The following KLHL2 variants were observed in gnomAD, a reference collection of about 807,000 sequenced individuals.
The protein encoded by KLHL2 is kelch-like protein 2.
KLHL2 carries 15 observed loss-of-function variants against 75.8 expected under a neutral mutation model. The observed-to-expected ratio is 0.20, with a 90% CI of 0.13 to 0.30. The LOEUF is 0.30. Ranked by LOEUF, KLHL2 falls within the 10% of genes least tolerant of loss-of-function variation. The pLI is 1.00. For missense variants in KLHL2, 381 were observed against 741.0 expected (o/e 0.51, Z 5.64); for synonymous variants, 214 against 251.9 (o/e 0.85, Z 1.42).
At chr4:165,293,352 G>A (rs1271729101) in intron 5 of KLHL2, among the ~76,000 whole-genome samples, 3 of 151,882 alleles carry the variant, frequency 2.0e-5, no homozygotes, top group South Asian at 4.2e-4. Context: ...GTGAAATCAA[G>A]GGAAAAAAAT....
At chr4:165,266,841 T>C (rs1742280453) in intron 5 of KLHL2, among the ~76,000 whole-genome samples, 3 of 152,186 alleles carry the variant, frequency 2.0e-5, no homozygotes, top group Admixed American at 1.3e-4. Flanking sequence ...AAGTAGTTTT[T>C]TCCAATTCTG....
intron 9 of KLHL2, 135 bp from the exon 10 acceptor site, chr4:165,310,418 A>C: frequency 1.4e-6 from 1 of 719,560 alleles, no homozygotes; most frequent in Non-Finnish European, 2.5e-6. Flanking sequence ...AGCATTTTCA[A>C]GGATTTATTT....
At chr4:165,263,574 A>G (rs1442813374) in intron 5 of KLHL2, among the ~76,000 whole-genome samples, 1 of 151,978 alleles carries the variant, frequency 6.6e-6, no homozygotes, top group African/African-American at 2.4e-5. Flanking sequence ...TTGGGCCTGA[A>G]TAATAGAATA....
intron 5 of KLHL2, among the ~76,000 whole-genome samples, chr4:165,279,855 C>T (rs1247461633): frequency 2.0e-5 from 3 of 152,238 alleles, no homozygotes; most frequent in Non-Finnish European, 2.9e-5. Flanking sequence ...GTCTTTAACA[C>T]TGAGATTATC....
intron 3 of KLHL2, among the ~76,000 whole-genome samples, chr4:165,229,673 G>A (rs1337196180): frequency 6.6e-6 from 1 of 152,176 alleles, no homozygotes; most frequent in African/African-American, 2.4e-5. Context: ...ACAGCTTCCT[G>A]CCCCAAAAGC....
chr4:165,317,425 TGGTCTTG>T (rs1746667966), intron 13 of KLHL2, among the ~76,000 whole-genome samples: 1 of 151,530 alleles, frequency 6.6e-6, no homozygotes, highest in South Asian at 2.1e-4. Flanking sequence ...AGCAGTGGTG[TGGTCTTG>T]GCTCTCTGTA....
chr4:165,221,614 A>G (rs1389488549), intron 2 of KLHL2, among the ~76,000 whole-genome samples: 1 of 152,212 alleles, frequency 6.6e-6, no homozygotes, highest in Admixed American at 6.5e-5. Context: ...AGAGAAAGCC[A>G]GTGGAGAGTG....
chr4:165,313,740 GATTAC>G (rs1380304697), intron 12 of KLHL2, among the ~76,000 whole-genome samples: 3 of 152,030 alleles, frequency 2.0e-5, no homozygotes, highest in South Asian at 4.1e-4. Flanking sequence ...TTTTCAAAAG[GATTAC>G]ATTAAAGGAC....
In KLHL2 at chr4:165,224,295, A is replaced by G. The variant is rs564043432; in HGVS notation, c.152+4236A>G. On this transcript the variant is annotated intron_variant, in intron 2 of 14. Transcript: ENST00000226725. Reference sequence around the variant, plus strand: ...CTGTACTTGAGCTTTAACAATTTCAATGAGTATTAGTGGTGGGGGCACAAC... The same window carrying G: ...CTGTACTTGAGCTTTAACAATTTCAGTGAGTATTAGTGGTGGGGGCACAAC... Among the ~76,000 whole-genome samples, 178 of 152,188 alleles carry G rather than the reference A, an allele frequency of 1.2e-3. 1 individual carries two copies. Among genetic ancestry groups the G allele is most frequent in the African/African-American group, 3.6e-3 (150 of 41,546 alleles).
At chr4:165,264,732 A>ATG (rs1742068148) in intron 5 of KLHL2, among the ~76,000 whole-genome samples, 1 of 80,888 alleles carries the variant, frequency 1.2e-5, no homozygotes, top group East Asian at 4.5e-4. Context: ...ATATATATAT[A>ATG]TATATATGTA....
intron 5 of KLHL2, among the ~76,000 whole-genome samples, chr4:165,270,814 G>A (rs1192641484): frequency 1.3e-5 from 2 of 152,262 alleles, no homozygotes; most frequent in East Asian, 1.9e-4. Context: ...GTCCCTTCTC[G>A]GAGCTCAAAC....
At chr4:165,249,160 G>A (rs1349319606) in intron 4 of KLHL2, among the ~76,000 whole-genome samples, 1 of 152,160 alleles carries the variant, frequency 6.6e-6, no homozygotes, top group East Asian at 1.9e-4. Context: ...AGCAATGAAG[G>A]TGATGTCACA....
chr4:165,282,815 G>A (rs1579115496), intron 5 of KLHL2, among the ~76,000 whole-genome samples: 6 of 150,686 alleles, frequency 4.0e-5, no homozygotes, highest in Admixed American at 4.0e-4. Context: ...ACTTCTAATA[G>A]TAAGTGTTTG....
At chr4:165,307,340 A>T (rs953107691) in intron 9 of KLHL2, among the ~76,000 whole-genome samples, 5 of 152,188 alleles carry the variant, frequency 3.3e-5, no homozygotes, top group Admixed American at 6.5e-5. Flanking sequence ...AAAACAAAAA[A>T]ACTTTATGTT....
intron 5 of KLHL2, chr4:165,279,799 T>TTC (rs1743518915): frequency 5.6e-6 from 4 of 708,862 alleles, no homozygotes; most frequent in Non-Finnish European, 1.0e-5. Context: ...GGCTACTGCG[T>TTC]TCTCTCTGCA....
At chr4:165,224,185 A>G (rs1738242539) in intron 2 of KLHL2, 1 of 199,832 alleles carries the variant, frequency 5.0e-6, no homozygotes, top group African/African-American at 2.4e-5. Flanking sequence ...AGAAGACCAA[A>G]GAGCAACTGT....
At chr4:165,226,510 G>A (rs1343387875) in intron 2 of KLHL2, among the ~76,000 whole-genome samples, 2 of 151,616 alleles carry the variant, frequency 1.3e-5, no homozygotes, top group Admixed American at 6.6e-5. Flanking sequence ...TCTTTATTAC[G>A]GTGCTTTCCA....
Position 165,251,612 on chromosome 4 carries a change from T to G in KLHL2, c.382-11585T>G, listed in dbSNP as rs538937844. Among the ~76,000 whole-genome samples, 365 of 140,534 alleles carry G rather than the reference T, an allele frequency of 2.6e-3. 1 individual carries two copies. The highest frequency in any genetic ancestry group is 8.4e-3 in the African/African-American group (329 of 38,974). 92.2% of individuals were successfully genotyped at this position (140,534 alleles called of 152,430 possible). A position where few individuals can be genotyped will look rare whatever the true frequency, so the allele number is the denominator to read the frequency against. On this transcript the variant is annotated intron_variant, in intron 4 of 14. Coordinates refer to ENST00000226725, the MANE Select transcript of KLHL2 (RefSeq NM_007246.4). The stretch of plus-strand genomic sequence containing the variant: ...ACGAAACCCAAAGTGGTTTTTTTTT[T>G]TTGTTTTTTTTTTTTGAGACGGAGT...
rs1441837672 is a variant in KLHL2 at position 165,311,886 on chromosome 4, G to A, written c.1339+321G>A. Among the ~76,000 whole-genome samples, 5 of 150,538 alleles carry A rather than the reference G, an allele frequency of 3.3e-5. 1 individual carries two copies. The highest frequency in any genetic ancestry group is 3.9e-4 in the East Asian group (2 of 5,154). ...TGTGTGTGTTTGACTTATATAACAC[G>A]TGTGTGTTTGACTTATATAACAGCA... On this transcript the variant is annotated intron_variant, in intron 11 of 14. Coordinates refer to ENST00000226725, the MANE Select transcript of KLHL2 (RefSeq NM_007246.4).
Sources: allele counts gnomAD v4.1 joint callset (sites outside exome capture counted in the v4.1 genomes callset), GRCh38; gene constraint gnomAD v4.1.1; transcripts MANE v1.5; gene names NCBI Gene and HGNC (gene_info 2026-07-23, HGNC 2026-07-21).